PRKDC: variants seen among roughly 807,000 people sequenced by gnomAD.
PRKDC encodes protein kinase, DNA-activated, catalytic subunit, also known as DNA-dependent protein kinase catalytic subunit.
PRKDC carries 82 observed loss-of-function variants against 486.9 expected under a neutral mutation model. The ratio of observed to expected loss-of-function variants is 0.17; its 90% CI spans 0.14 to 0.20. The LOEUF is 0.20. PRKDC is among the 10% of genes least tolerant of loss of function. The pLI, the probability that PRKDC is intolerant of heterozygous loss-of-function variation, is 1.00. For synonymous variants in PRKDC, 1,895 were observed against 1,837.0 expected, an observed-to-expected ratio of 1.03 and a Z score of -0.81; for missense variants, 4,504 against 5,038.2, an observed-to-expected ratio of 0.89 and a Z score of 3.21.
chr8:47,891,269 T>C (rs1460098651), intron 31 of PRKDC, among the ~76,000 whole-genome samples: 3 of 152,160 alleles, frequency 2.0e-5, no homozygotes, highest in African/African-American at 7.2e-5. Context: ...AAGGCAACAA[T>C]TGAGTAGGAA....
At chr8:47,838,972 C>T (rs888062819) in intron 56 of PRKDC, among the ~76,000 whole-genome samples, 176 bp downstream of exon 56, 1 of 152,190 alleles carries the variant, frequency 6.6e-6, no homozygotes, top group Non-Finnish European at 1.5e-5. Context: ...GATTGTAAAG[C>T]CTTACTCTTC....
At position 47,813,575 on chromosome 8, in the gene PRKDC, ATT is replaced by A. The variant is rs200318055; in HGVS notation, c.9557+3873_9557+3874del. On this transcript the variant is annotated intron_variant, in intron 68 of 85. Transcript: ENST00000314191. Reference sequence around the variant, plus strand: ...TATGAAATAATGAGGATCTTATATAATTTTTTTTTTTCCTTTGGAGACGGAGT... The same window carrying A: ...TATGAAATAATGAGGATCTTATATAATTTTTTTTTCCTTTGGAGACGGAGT... Among the ~76,000 whole-genome samples, 18 of 147,750 alleles carry A rather than the reference ATT, an allele frequency of 1.2e-4. No individual in the cohort carries two copies. In the East Asian group the frequency reaches 3.2e-3, roughly 26 times the overall value.
Position 47,939,548 on chromosome 8 carries a change from T to C in PRKDC, c.1113+3A>G. The C allele has an allele frequency of 6.2e-7, 1 of 1,610,922 alleles. No homozygotes were observed. The highest frequency in any genetic ancestry group is 8.5e-7 in the Non-Finnish European group (1 of 1,178,736). On this transcript the variant is annotated splice_donor_region_variant and intron_variant, in intron 11 of 85. Coordinates refer to ENST00000314191, the MANE Select transcript of PRKDC (RefSeq NM_006904.7). ...CAAAATAGAGTAAGTTAATGAGACATACTCCTGCAAAAAGTCCATATCCAC... is the reference window on the plus strand; with the variant it reads ...CAAAATAGAGTAAGTTAATGAGACACACTCCTGCAAAAAGTCCATATCCAC...
In PRKDC at chr8:47,779,322, T is replaced by C. The variant is rs569855724; in HGVS notation, c.11490-229A>G. The C allele has an allele frequency of 1.9e-3, 768 of 399,296 alleles. 5 individuals carry two copies. Among genetic ancestry groups the C allele is most frequent in the Non-Finnish European group, 2.2e-3 (506 of 225,862 alleles). 24.7% of individuals were successfully genotyped at this position (399,296 alleles called of 1,614,324 possible). Reference sequence around the variant, plus strand: ...TCCTAAAGAAATCCAAGCTATTGCCTATGAAAAATTCAGGTACAAAACCAT... The same window carrying C: ...TCCTAAAGAAATCCAAGCTATTGCCCATGAAAAATTCAGGTACAAAACCAT... On this transcript the variant is annotated intron_variant, in intron 80 of 85. Coordinates refer to ENST00000314191, the MANE Select transcript of PRKDC (RefSeq NM_006904.7).
At chr8:47,944,614 A>T (rs1176618223) in intron 7 of PRKDC, among the ~76,000 whole-genome samples, 2 of 152,234 alleles carry the variant, frequency 1.3e-5, no homozygotes, top group Admixed American at 1.3e-4. Flanking sequence ...AAACAGGCAC[A>T]TAACTATAAC....
chr8:47,811,862 G>A (rs551388013), intron 68 of PRKDC, among the ~76,000 whole-genome samples: 44 of 152,154 alleles, frequency 2.9e-4, no homozygotes, highest in African/African-American at 9.4e-4. Flanking sequence ...CTGTAAACCC[G>A]GCTACTCGGG....
intron 36 of PRKDC, among the ~76,000 whole-genome samples, chr8:47,885,191 C>T (rs1396534147): frequency 6.6e-6 from 1 of 152,206 alleles, no homozygotes; most frequent in Admixed American, 6.5e-5. Context: ...CGCTTCATTA[C>T]TCAGGCTGGA....
At chr8:47,832,091 C>G (rs2087895714) in intron 59 of PRKDC, among the ~76,000 whole-genome samples, 165 bp from the exon 60 acceptor site, 1 of 152,230 alleles carries the variant, frequency 6.6e-6, no homozygotes, top group African/African-American at 2.4e-5. Context: ...AACTGCTCAG[C>G]AGTGGATTCA....
chr8:47,877,291 G>A (rs2089110616), intron 40 of PRKDC, among the ~76,000 whole-genome samples: 1 of 152,212 alleles, frequency 6.6e-6, no homozygotes, highest in Non-Finnish European at 1.5e-5. Flanking sequence ...CATCTTGTTT[G>A]AGACTACTGA....
At chr8:47,783,993 T>TC (rs1178688582) in intron 77 of PRKDC, 184 bp from the exon 78 acceptor site, 3 of 600,246 alleles carry the variant, frequency 5.0e-6, no homozygotes, top group Non-Finnish European at 8.8e-6. Context: ...GCACAGTGGC[T>TC]CACGCCTGTA....
chr8:47,861,959 T>C, intron 44 of PRKDC, 103 bp downstream of exon 44: 3 of 936,278 alleles, frequency 3.2e-6, no homozygotes, highest in East Asian at 5.4e-5. Flanking sequence ...CCAGTTTTTG[T>C]TGAAAGCCGA....
intron 66 of PRKDC, among the ~76,000 whole-genome samples, chr8:47,819,942 C>T (rs1264161865): frequency 6.6e-6 from 1 of 152,160 alleles, no homozygotes; most frequent in Admixed American, 6.5e-5. Context: ...CTAACCTATA[C>T]TAAATGTTAT....
intron 11 of PRKDC, among the ~76,000 whole-genome samples, chr8:47,939,039 T>C (rs1052476883): frequency 6.6e-6 from 1 of 152,204 alleles, no homozygotes; most frequent in Non-Finnish European, 1.5e-5. Context: ...CTTGGTTCTG[T>C]CAATTCTGAG....
intron 60 of PRKDC, 101 bp from the exon 61 acceptor site, chr8:47,830,837 C>G (rs1428192560): frequency 3.4e-6 from 5 of 1,464,164 alleles, no homozygotes; most frequent in Admixed American, 1.7e-5. Context: ...ACCATGAGGG[C>G]GAAGTGGTGG....
At chr8:47,798,763 T>C (rs2087033602) in intron 72 of PRKDC, among the ~76,000 whole-genome samples, 2 of 152,036 alleles carry the variant, frequency 1.3e-5, no homozygotes, top group African/African-American at 4.8e-5. Flanking sequence ...AGAGGACCAC[T>C]TGACTCCATT....
At chr8:47,836,964 A>G (rs1170056673) in intron 57 of PRKDC, among the ~76,000 whole-genome samples, 2 of 152,208 alleles carry the variant, frequency 1.3e-5, no homozygotes, top group Non-Finnish European at 2.9e-5. Context: ...CTCAGCATCC[A>G]CTGTGGATTG....
chr8:47,877,167 A>G (rs1355008459), intron 40 of PRKDC, among the ~76,000 whole-genome samples: 1 of 152,226 alleles, frequency 6.6e-6, no homozygotes, highest in Non-Finnish European at 1.5e-5. Flanking sequence ...AAGTATCTCC[A>G]AAAACAAAAT....
intron 19 of PRKDC, among the ~76,000 whole-genome samples, chr8:47,928,208 T>C (rs1391518592): frequency 6.8e-6 from 1 of 147,308 alleles, no homozygotes; most frequent in Non-Finnish European, 1.5e-5. Flanking sequence ...CAGGCTGGAG[T>C]GCATGGTGCA....
chr8:47,932,927 C>T (rs1477201623), intron 16 of PRKDC, 93 bp downstream of exon 16: 3 of 1,161,440 alleles, frequency 2.6e-6, no homozygotes, highest in Non-Finnish European at 1.2e-6. Flanking sequence ...TCCAGTTCTC[C>T]TCTACAAATG....
Sources: allele counts gnomAD v4.1 joint callset (sites outside exome capture counted in the v4.1 genomes callset), GRCh38; gene constraint gnomAD v4.1.1; transcripts MANE v1.5; gene names NCBI Gene and HGNC (gene_info 2026-07-23, HGNC 2026-07-21).